Variants in PRKN observed in about 807,000 individuals in gnomAD.
PRKN encodes parkin RBR E3 ubiquitin protein ligase.
Under a neutral mutation model 59.5 loss-of-function variants are expected in PRKN, and 56 were observed. The ratio of observed to expected loss-of-function variants is 0.94; its 90% CI spans 0.76 to 1.18. The LOEUF (loss-of-function observed/expected upper bound fraction) is 1.18. Among genes scored for constraint, PRKN ranks in the 50% most tolerant of loss-of-function variants. The pLI, the probability that PRKN is intolerant of heterozygous loss-of-function variation, is 0.00. For synonymous variants in PRKN, 250 were observed against 222.1 expected, an observed-to-expected ratio of 1.13 and a Z score of -1.12; for missense variants, 657 against 596.4, an observed-to-expected ratio of 1.10 and a Z score of -1.06.
chr6:162,628,217 C>G (rs1004872174), intron 1 of PRKN, among the ~76,000 whole-genome samples: 4 of 151,998 alleles, frequency 2.6e-5, no homozygotes, highest in Admixed American at 6.6e-5. Flanking sequence ...GAAACAAGGA[C>G]AGTTGGTTGA....
chr6:162,564,503 A>G (rs974756653), intron 1 of PRKN, among the ~76,000 whole-genome samples: 6 of 152,222 alleles, frequency 3.9e-5, no homozygotes, highest in African/African-American at 1.4e-4. Context: ...CAACAAGGTT[A>G]CAGAACACCA....
chr6:162,572,457 C>A, intron 1 of PRKN, among the ~76,000 whole-genome samples: 1 of 152,180 alleles, frequency 6.6e-6, no homozygotes, highest in East Asian at 1.9e-4. Flanking sequence ...CTGTCATCTG[C>A]AGAATGAAGA....
chr6:162,329,536 G>A (rs1783479260), intron 2 of PRKN, among the ~76,000 whole-genome samples: 4 of 152,036 alleles, frequency 2.6e-5, no homozygotes, highest in Non-Finnish European at 1.5e-5. Flanking sequence ...GTTTTTCTCT[G>A]TCAAGGAGAT....
chr6:162,559,252 C>T (rs904257363), intron 1 of PRKN, among the ~76,000 whole-genome samples: 4 of 141,634 alleles, frequency 2.8e-5, no homozygotes, highest in Non-Finnish European at 4.7e-5. Context: ...ATGAAAACTA[C>T]GACTATTTGT....
At chr6:162,042,542 G>C (rs9458438) in intron 5 of PRKN, among the ~76,000 whole-genome samples, 2 of 152,040 alleles carry the variant, frequency 1.3e-5, no homozygotes, top group South Asian at 4.2e-4. Flanking sequence ...TACTGCCTTG[G>C]CCTCCCAAAA....
intron 3 of PRKN, among the ~76,000 whole-genome samples, chr6:162,213,514 T>C (rs544963123): frequency 1.1e-4 from 16 of 152,150 alleles, no homozygotes; most frequent in Admixed American, 6.5e-4. Flanking sequence ...GAGCTTGAGC[T>C]CAGGAGTTCG....
At chr6:162,064,542 G>A (rs1207538475) in intron 4 of PRKN, among the ~76,000 whole-genome samples, 1 of 152,088 alleles carries the variant, frequency 6.6e-6, no homozygotes, top group African/African-American at 2.4e-5. Flanking sequence ...CCAGTCCTAG[G>A]GCTTTGAACT....
rs1790721249 is a variant in PRKN, at chr6:161,470,279, A to G, written c.1083+78575T>C. On this transcript the variant is annotated intron_variant, in intron 9 of 11. Transcript: ENST00000366898. This position sits in a 1 kb window ranked among gnomAD's most constrained non-coding sequence, Gnocchi z 5.1. ...TTACTACCTTTGCTGTCATAGGCCCATTAGGGTATTATTTAATGTAGTCAC... is the reference window on the plus strand; with the variant it reads ...TTACTACCTTTGCTGTCATAGGCCCGTTAGGGTATTATTTAATGTAGTCAC... Among the ~76,000 whole-genome samples, 1 of 152,150 alleles carries G rather than the reference A, an allele frequency of 6.6e-6. No homozygotes were observed. Among genetic ancestry groups the G allele is most frequent in the African/African-American group, 2.4e-5 (1 of 41,450 alleles).
intron 5 of PRKN, among the ~76,000 whole-genome samples, chr6:162,008,328 C>A (rs892323031): frequency 6.6e-5 from 10 of 152,110 alleles, no homozygotes; most frequent in African/African-American, 2.4e-4. Context: ...CTGCTTCGTG[C>A]CCCGGGGGCC....
At chr6:161,723,009 C>T (rs1450151956) in intron 7 of PRKN, among the ~76,000 whole-genome samples, 1 of 152,176 alleles carries the variant, frequency 6.6e-6, no homozygotes, top group Non-Finnish European at 1.5e-5. Flanking sequence ...TGGCTCATGC[C>T]TGTAATCCCA....
Position 161,937,588 on chromosome 6 carries a change from G to A in PRKN, c.734+35714C>T, listed in dbSNP as rs113319732. The stretch of plus-strand genomic sequence containing the variant: ...CTGACATTTCAAACAGTTATCTCCT[G>A]GGCATGGGTTTCTGAGCTGAGAATG... On this transcript the variant is annotated intron_variant, in intron 6 of 11. Transcript: ENST00000366898. Among the ~76,000 whole-genome samples, 148 of 152,290 alleles carry A rather than the reference G, an allele frequency of 9.7e-4. 1 individual carries two copies. Among genetic ancestry groups the A allele is most frequent in the African/African-American group, 3.4e-3 (141 of 41,552 alleles).
intron 1 of PRKN, among the ~76,000 whole-genome samples, chr6:162,560,856 A>AAAAAAAAAAAAAAC (rs1244625058): frequency 7.3e-5 from 11 of 150,152 alleles, no homozygotes. Context: ...AGAGAGGCAA[A>AAAAAAAAAAAAAAC]AAAAAAAAAA....
intron 2 of PRKN, among the ~76,000 whole-genome samples, chr6:162,315,447 C>T (rs78342212): frequency 0.071 from 10,771 of 152,206 alleles, 539 homozygotes; most frequent in Middle Eastern, 0.16. Context: ...GCCTCAAAAG[C>T]AGGGTTGCCA....
At chr6:161,603,633 C>G (rs989382822) in intron 7 of PRKN, among the ~76,000 whole-genome samples, 1 of 152,156 alleles carries the variant, frequency 6.6e-6, no homozygotes, top group Non-Finnish European at 1.5e-5. Flanking sequence ...TTTATCTTCT[C>G]TCTAACTCTT....
At chr6:162,150,506 C>T (rs1782225164) in intron 4 of PRKN, among the ~76,000 whole-genome samples, 1 of 152,196 alleles carries the variant, frequency 6.6e-6, no homozygotes, top group South Asian at 2.1e-4. Context: ...GTGAAAAGAA[C>T]ATCAAAGCTG....
chr6:161,808,050 AC>A (rs1791409737), intron 6 of PRKN, among the ~76,000 whole-genome samples: 1 of 152,172 alleles, frequency 6.6e-6, no homozygotes, highest in Non-Finnish European at 1.5e-5. Flanking sequence ...AGAGTAATTG[AC>A]TTAATCTATT....
At chr6:162,499,020 A>G (rs929025508) in intron 1 of PRKN, among the ~76,000 whole-genome samples, 9 of 152,180 alleles carry the variant, frequency 5.9e-5, no homozygotes, top group Admixed American at 1.3e-4. Flanking sequence ...AAGAGAAATT[A>G]GATTCTAACA....
At chr6:162,664,251 C>T (rs917391906) in intron 1 of PRKN, among the ~76,000 whole-genome samples, 1 of 152,140 alleles carries the variant, frequency 6.6e-6, no homozygotes, top group African/African-American at 2.4e-5. Context: ...GCATAGTATT[C>T]CATGGTGTAT....
intron 7 of PRKN, among the ~76,000 whole-genome samples, chr6:161,685,725 G>T (rs1175542775): frequency 6.6e-6 from 1 of 152,314 alleles, no homozygotes; most frequent in East Asian, 1.9e-4. Context: ...TAATGGGAAA[G>T]ACTACACATG....
Sources: allele counts gnomAD v4.1 joint callset (sites outside exome capture counted in the v4.1 genomes callset), GRCh38; gene constraint gnomAD v4.1.1; non-coding constraint Gnocchi (gnomAD v3.1); transcripts MANE v1.5; gene names NCBI Gene and HGNC (gene_info 2026-07-23, HGNC 2026-07-21).